Variants in RHCG observed in about 807,000 individuals in gnomAD.
RHCG encodes Rh family C glycoprotein, also known as ammonium transporter Rh type C.
Under a neutral mutation model 55.3 loss-of-function variants are expected in RHCG, and 39 were observed. The observed-to-expected ratio is 0.70, with a 90% CI of 0.55 to 0.92. RHCG has a LOEUF of 0.92. Ranked by LOEUF, RHCG falls within the 40% of genes least tolerant of loss-of-function variation. RHCG has a pLI of 0.00. For missense variants in RHCG, 635 were observed against 627.9 expected, an observed-to-expected ratio of 1.01 and a Z score of -0.12; for synonymous variants, 250 against 246.8, an observed-to-expected ratio of 1.01 and a Z score of -0.12.
At chr15:89,478,083 C>T (rs1161171007) in intron 5 of RHCG, 109 bp from the exon 6 acceptor site, 4 of 1,413,414 alleles carry the variant, frequency 2.8e-6, no homozygotes, top group Non-Finnish European at 2.8e-6. Context: ...CTCCTGGGAG[C>T]CGGGGATGGC....
intron 9 of RHCG, among the ~76,000 whole-genome samples, chr15:89,476,356 C>T (rs113981739): frequency 0.012 from 1,855 of 152,250 alleles, 46 homozygotes; most frequent in African/African-American, 0.042. Context: ...TTGTGAGCTA[C>T]GGCACCCATG....
At chr15:89,476,391 G>A (rs1361142125) in intron 9 of RHCG, among the ~76,000 whole-genome samples, 2 of 152,180 alleles carry the variant, frequency 1.3e-5, no homozygotes, top group Non-Finnish European at 2.9e-5. Context: ...TAACCAGTCT[G>A]TAGGTGATGC....
intron 1 of RHCG, 126 bp from the exon 2 acceptor site, chr15:89,487,111 C>T (rs1961389359): frequency 3.5e-6 from 3 of 848,478 alleles, no homozygotes; most frequent in Non-Finnish European, 3.4e-6. Flanking sequence ...CCCTGCTCCA[C>T]CATCCTAACC....
At chr15:89,476,213 C>G (rs77624903) in intron 9 of RHCG, among the ~76,000 whole-genome samples, 1,575 of 152,214 alleles carry the variant, frequency 0.01, 37 homozygotes, top group African/African-American at 0.036. Context: ...ACTACAGACG[C>G]ATTCCACCAT....
chr15:89,484,487 G>GGA (rs1011621337), intron 2 of RHCG, among the ~76,000 whole-genome samples: 2 of 151,856 alleles, frequency 1.3e-5, no homozygotes, highest in African/African-American at 2.4e-5. Flanking sequence ...CCATTAGAAA[G>GGA]GAGAGAGAGA....
At chr15:89,479,752 G>T (rs926429261) in intron 4 of RHCG, 1 of 493,912 alleles carries the variant, frequency 2.0e-6, no homozygotes, top group Non-Finnish European at 3.6e-6. Flanking sequence ...TTCCCACAGC[G>T]CCAGGAGGGA....
chr15:89,473,315 G>T (rs185560459), intron 9 of RHCG, among the ~76,000 whole-genome samples: 5 of 152,298 alleles, frequency 3.3e-5, no homozygotes, highest in Admixed American at 1.3e-4. Flanking sequence ...TGGGGAAGGT[G>T]CAGGGAAGGC....
chr15:89,494,606 A>G (rs556514792), intron 1 of RHCG, among the ~76,000 whole-genome samples: 30 of 150,606 alleles, frequency 2.0e-4, no homozygotes, highest in African/African-American at 7.1e-4. Context: ...CTCCTATTAT[A>G]GGGTCTCTCT....
chr15:89,481,333 C>T (rs545470626), intron 3 of RHCG, among the ~76,000 whole-genome samples: 3 of 152,148 alleles, frequency 2.0e-5, no homozygotes, highest in South Asian at 4.2e-4. Context: ...ACCTGTAATT[C>T]CAGGTACTTG....
intron 9 of RHCG, among the ~76,000 whole-genome samples, chr15:89,473,199 A>C (rs1317557558): frequency 6.6e-6 from 1 of 152,202 alleles, no homozygotes; most frequent in East Asian, 1.9e-4. Flanking sequence ...GGATGCTGAG[A>C]AGTTGTGCTG....
chr15:89,479,737 C>T lies in RHCG; in HGVS notation c.671-249G>A, dbSNP rs979292089. ...CCCATTTCTGGGCTAAATGCCCCCA[C>T]CCTGTTCCCACAGCGCCAGGAGGGA... On this transcript the variant is annotated intron_variant, in intron 4 of 10. Transcript: ENST00000268122. The T allele has an allele frequency of 9.5e-6, 5 of 526,410 alleles. No homozygotes were observed. In the East Asian group the frequency reaches 9.5e-5, roughly 10 times the overall value. 32.6% of individuals were successfully genotyped at this position (526,410 alleles called of 1,614,324 possible).
chr15:89,480,867 C>T (rs957312566), intron 3 of RHCG, among the ~76,000 whole-genome samples: 3 of 152,240 alleles, frequency 2.0e-5, no homozygotes, highest in African/African-American at 4.8e-5. Flanking sequence ...TGGCACTTAA[C>T]AGGTGCCAGA....
rs1262805859 is a variant in RHCG at position 89,479,834 on chromosome 15, C to T, written c.671-346G>A. On this transcript the variant is annotated intron_variant, in intron 4 of 10. Transcript: ENST00000268122. ...CTCTTCCACTACGCTGTGAGGAGCTCCTGGAGGGCAGGGCTGGGTTTTGAG... is the reference window on the plus strand; with the variant it reads ...CTCTTCCACTACGCTGTGAGGAGCTTCTGGAGGGCAGGGCTGGGTTTTGAG... 4 of 379,900 alleles carry T rather than the reference C, an allele frequency of 1.1e-5. No individual in the cohort carries two copies. The East Asian group carries it at 2.3e-4, about 22-fold the overall frequency. 23.5% of individuals were successfully genotyped at this position (379,900 alleles called of 1,614,324 possible).
intron 5 of RHCG, 113 bp from the exon 6 acceptor site, chr15:89,478,087 G>A (rs1004479210): frequency 4.3e-6 from 6 of 1,384,094 alleles, no homozygotes; most frequent in Non-Finnish European, 5.8e-6. Flanking sequence ...TGGGAGCCGG[G>A]GATGGCTGGG....
At chr15:89,475,064 GCCTGCCTT>G (rs1355652778) in intron 9 of RHCG, among the ~76,000 whole-genome samples, 48 of 98,180 alleles carry the variant, frequency 4.9e-4, no homozygotes, top group African/African-American at 1.4e-3. Context: ...CTTCCTTCCT[GCCTGCCTT>G]CCTGCCTTCC....
intron 3 of RHCG, 33 bp from the exon 4 acceptor site, chr15:89,480,441 C>T (rs1461515497): frequency 1.3e-6 from 2 of 1,598,206 alleles, no homozygotes; most frequent in African/African-American, 2.7e-5. Flanking sequence ...GACTCTGGCA[C>T]CTTCTCTCCC....
intron 9 of RHCG, 122 bp downstream of exon 9, chr15:89,476,633 A>G: frequency 1.3e-6 from 1 of 751,074 alleles, no homozygotes; most frequent in Non-Finnish European, 2.4e-6. Flanking sequence ...GAAGTAGGGT[A>G]ATGTAGGCTC....
In RHCG at chr15:89,486,543, G is replaced by T. The variant is rs1408647467; in HGVS notation, c.371+256C>A. On this transcript the variant is annotated intron_variant, in intron 2 of 10. Coordinates refer to ENST00000268122, the MANE Select transcript of RHCG (RefSeq NM_016321.3). ...CCTGGAGAATCGCTGATCAGGAAGC[G>T]AAGTGAGAGAGAGAGAGAGACAGAG... 10 of 537,860 alleles carry T rather than the reference G, an allele frequency of 1.9e-5. No individual in the cohort carries two copies. In the East Asian group the frequency reaches 4.5e-4, roughly 24 times the overall value. The allele number at this position is 537,860 out of a possible 1,614,324, so 33.3% of individuals were successfully genotyped here.
At chr15:89,474,721 CATTCCTTCCT>C (rs1961099678) in intron 9 of RHCG, among the ~76,000 whole-genome samples, 1 of 152,096 alleles carries the variant, frequency 6.6e-6, no homozygotes, top group Admixed American at 6.5e-5. Context: ...TGCCTTCGTT[CATTCCTTCCT>C]GCCTGCCTTC....
Sources: allele counts gnomAD v4.1 joint callset (sites outside exome capture counted in the v4.1 genomes callset), GRCh38; gene constraint gnomAD v4.1.1; transcripts MANE v1.5; gene names NCBI Gene and HGNC (gene_info 2026-07-23, HGNC 2026-07-21).